Variants in CSMD1 observed in about 807,000 individuals in gnomAD.
CSMD1 encodes the protein CUB and sushi domain-containing protein 1.
In CSMD1, 213 loss-of-function variants were observed where a neutral mutation model predicts 417.5. The observed-to-expected ratio is 0.51, with a 90% CI of 0.46 to 0.57. The LOEUF (loss-of-function observed/expected upper bound fraction) is 0.57. CSMD1 is among the 20% of genes least tolerant of loss of function. The pLI is 0.00. For synonymous variants in CSMD1, 2,862 were observed against 1,736.8 expected (o/e 1.65, Z -16.11); for missense variants, 6,923 against 4,529.7 (o/e 1.53, Z -15.17).
Position 3,091,470 on chromosome 8 carries a change from C to T in CSMD1, c.7285+46G>A, listed in dbSNP as rs748851661. 18 of 1,414,550 alleles carry T rather than the reference C, an allele frequency of 1.3e-5. 1 individual carries two copies. Among genetic ancestry groups the T allele is most frequent in the South Asian group, 4.1e-5 (3 of 73,138 alleles). The allele number at this position is 1,414,550 out of a possible 1,614,324, so 87.6% of individuals were successfully genotyped here. A position where few individuals can be genotyped will look rare whatever the true frequency, so the allele number is the denominator to read the frequency against. Reference sequence around the variant, plus strand: ...AATTGTTTTATTCAATGAAAATCACCTGTTTTAAAATACTTTCATATAAAA... The same window carrying T: ...AATTGTTTTATTCAATGAAAATCACTTGTTTTAAAATACTTTCATATAAAA... On this transcript the variant is annotated intron_variant, in intron 48 of 69. Transcript: ENST00000635120.
chr8:3,582,711 T>C (rs1253801477), intron 9 of CSMD1, among the ~76,000 whole-genome samples: 2 of 152,234 alleles, frequency 1.3e-5, no homozygotes, highest in African/African-American at 2.4e-5. Flanking sequence ...AGAAAATATA[T>C]AAAATATCTC....
chr8:3,730,537 G>C (rs1802784451), intron 6 of CSMD1, among the ~76,000 whole-genome samples: 1 of 152,068 alleles, frequency 6.6e-6, no homozygotes, highest in Non-Finnish European at 1.5e-5. Context: ...GGATCACAGC[G>C]AGGAGAGGAA....
Position 2,997,996 on chromosome 8 carries a change from G to C in CSMD1, c.8377+15C>G, listed in dbSNP as rs758824293. The C allele has an allele frequency of 6.2e-7, 1 of 1,610,392 alleles. No individual in the cohort carries two copies. Among genetic ancestry groups the C allele is most frequent in the South Asian group, 1.1e-5 (1 of 90,548 alleles). Reference sequence around the variant, plus strand: ...CTCTCAGAGCAAAGGGCTCATTCCTGGATGCTGTTCCTACCTCGACACGTG... The same window carrying C: ...CTCTCAGAGCAAAGGGCTCATTCCTCGATGCTGTTCCTACCTCGACACGTG... On this transcript the variant is annotated intron_variant, in intron 54 of 69. Transcript: ENST00000635120.
rs764381003 is a variant in CSMD1, at chr8:2,942,516, A to C, written c.10491T>G (p.Phe3497Leu). The C allele has an allele frequency of 6.2e-7, 1 of 1,612,720 alleles. No individual in the cohort carries two copies. Among genetic ancestry groups the C allele is most frequent in the East Asian group, 2.2e-5 (1 of 44,826 alleles). ...ATGCAAACCCTGATAAAATTAGAGC[A>C]AAGAAAGGAACCAGAATGGCAGCCG... is the stretch of plus-strand genomic sequence containing the variant. ...SVAAAILVPFFALILSGFAFY... is the reference protein window; with the variant it reads ...SVAAAILVPFLALILSGFAFY... The change falls in exon 69 of 70, where the codon TTT becomes TTG. Residue 3497 changes from phenylalanine to leucine, a missense_variant. Transcript: ENST00000635120.
intron 1 of CSMD1, among the ~76,000 whole-genome samples, chr8:4,897,237 T>C (rs758429910): frequency 6.6e-6 from 1 of 152,112 alleles, no homozygotes; most frequent in African/African-American, 2.4e-5. Flanking sequence ...GTTTCTACTG[T>C]GTCAAAATCC....
chr8:4,843,596 T>A (rs1020285783), intron 1 of CSMD1, among the ~76,000 whole-genome samples: 2 of 152,224 alleles, frequency 1.3e-5, no homozygotes, highest in Admixed American at 1.3e-4. Context: ...ACATTTCCAT[T>A]GTCCAAGCCA....
intron 8 of CSMD1, among the ~76,000 whole-genome samples, chr8:3,610,183 C>A (rs2449241): frequency 0.73 from 110,202 of 151,912 alleles, 40,480 homozygotes; most frequent in Middle Eastern, 0.82. Context: ...AGTCCAGCAG[C>A]TTCCATATGA....
chr8:3,684,511 ATC>A (rs947927122), intron 7 of CSMD1, among the ~76,000 whole-genome samples: 6 of 150,740 alleles, frequency 4.0e-5, no homozygotes, highest in African/African-American at 1.5e-4. Context: ...CATATATTTT[ATC>A]TTTTTTACTG....
intron 26 of CSMD1, among the ~76,000 whole-genome samples, chr8:3,243,800 T>C (rs987144941): frequency 5.3e-5 from 8 of 150,822 alleles, no homozygotes; most frequent in African/African-American, 1.2e-4. Flanking sequence ...CATTTATATA[T>C]AATTATATGA....
intron 49 of CSMD1, among the ~76,000 whole-genome samples, chr8:3,078,002 C>T (rs1316091970): frequency 3.3e-5 from 5 of 152,198 alleles, no homozygotes; most frequent in East Asian, 1.9e-4. Context: ...TATCCTCACA[C>T]GATCCCTTTG....
chr8:4,831,185 T>C (rs1800129890), intron 1 of CSMD1, among the ~76,000 whole-genome samples: 1 of 152,126 alleles, frequency 6.6e-6, no homozygotes, highest in Admixed American at 6.5e-5. Context: ...ATCTGAAAAA[T>C]GCAACTATTG....
intron 1 of CSMD1, among the ~76,000 whole-genome samples, chr8:4,941,936 A>C (rs2117240374): frequency 6.6e-6 from 1 of 152,232 alleles, no homozygotes; most frequent in South Asian, 2.1e-4. Context: ...TTGCAAACAC[A>C]ACAGTTTTTA....
At chr8:4,322,118 A>G (rs1323058428) in intron 3 of CSMD1, among the ~76,000 whole-genome samples, 2 of 152,316 alleles carry the variant, frequency 1.3e-5, no homozygotes, top group African/African-American at 4.8e-5. Context: ...AATATAAAAT[A>G]TTGGATCATT....
chr8:3,698,185 C>T (rs1001312050), intron 7 of CSMD1, among the ~76,000 whole-genome samples: 5 of 152,112 alleles, frequency 3.3e-5, no homozygotes, highest in African/African-American at 4.8e-5. Context: ...CAATATTTTC[C>T]ATAGCACTTG....
At chr8:4,228,643 C>G (rs1801513930) in intron 3 of CSMD1, among the ~76,000 whole-genome samples, 1 of 149,314 alleles carries the variant, frequency 6.7e-6, no homozygotes, top group Admixed American at 6.7e-5. Flanking sequence ...TCCAGTCTCA[C>G]CCATTTGCAG....
At chr8:3,040,114 A>G (rs1331732711) in intron 50 of CSMD1, among the ~76,000 whole-genome samples, 1 of 152,018 alleles carries the variant, frequency 6.6e-6, no homozygotes, top group Non-Finnish European at 1.5e-5. Flanking sequence ...TCCTCCTCCA[A>G]TTTCAGAGTG....
intron 3 of CSMD1, among the ~76,000 whole-genome samples, chr8:4,358,310 T>C (rs1182764470): frequency 6.6e-6 from 1 of 152,232 alleles, no homozygotes; most frequent in Non-Finnish European, 1.5e-5. Flanking sequence ...GCTGGTGCCA[T>C]CTGACAGCTG....
chr8:3,195,284 C>T (rs1796643201), intron 33 of CSMD1, among the ~76,000 whole-genome samples: 1 of 152,068 alleles, frequency 6.6e-6, no homozygotes, highest in Non-Finnish European at 1.5e-5. Flanking sequence ...CTGTGACCAC[C>T]CTGTCTTAAA....
At chr8:4,913,403 T>C (rs1213321133) in intron 1 of CSMD1, among the ~76,000 whole-genome samples, 1 of 152,156 alleles carries the variant, frequency 6.6e-6, no homozygotes, top group African/African-American at 2.4e-5. Context: ...TTTTCCTAAT[T>C]CCTAGTAAAG....
Sources: gnomAD v4.1 joint callset for allele counts (sites outside exome capture counted in the v4.1 genomes callset) on GRCh38, gnomAD v4.1.1 for gene constraint, MANE v1.5 for transcripts, NCBI Gene and HGNC (gene_info 2026-07-23, HGNC 2026-07-21) for gene names.